The following DPYD variants were observed in gnomAD, a reference collection of about 807,000 sequenced individuals.
DPYD encodes the protein dihydropyrimidine dehydrogenase [NADP(+)].
Under a neutral mutation model 116.2 loss-of-function variants are expected in DPYD, and 109 were observed. The observed-to-expected ratio is 0.94, with a 90% CI of 0.80 to 1.10. The LOEUF is 1.10. Among genes scored for constraint, DPYD ranks in the 50% least tolerant of loss-of-function variants. The probability of loss-of-function intolerance (pLI) is 0.00; values close to 1 mark genes in which losing one functional copy is unlikely to be tolerated. For missense variants in DPYD, 1,302 were observed against 1,254.5 expected (o/e 1.04, Z -0.57); for synonymous variants, 440 against 432.0 (o/e 1.02, Z -0.23).
At chr1:97,819,007 A>T (rs1668780018) in intron 3 of DPYD, among the ~76,000 whole-genome samples, 1 of 151,956 alleles carries the variant, frequency 6.6e-6, no homozygotes. Flanking sequence ...AATGATATTT[A>T]TTAGGGCAGG....
chr1:97,477,721 C>T (rs1429230869), intron 13 of DPYD, among the ~76,000 whole-genome samples: 6 of 150,622 alleles, frequency 4.0e-5, no homozygotes, highest in Admixed American at 1.3e-4. Context: ...CCCGGGTTCA[C>T]GCCATTCTCC....
intron 3 of DPYD, among the ~76,000 whole-genome samples, chr1:97,808,098 C>T (rs547093868): frequency 2.6e-5 from 4 of 152,098 alleles, no homozygotes; most frequent in Admixed American, 2.6e-4. Flanking sequence ...TATTCTGAGT[C>T]TTCTGCTTTT....
At chr1:97,452,793 C>T (rs1676489591) in intron 13 of DPYD, among the ~76,000 whole-genome samples, 1 of 152,006 alleles carries the variant, frequency 6.6e-6, no homozygotes, top group African/African-American at 2.4e-5. Flanking sequence ...CCCCTTCTGC[C>T]TTGATTGGAA....
At chr1:97,556,359 C>CT (rs1340867429) in intron 11 of DPYD, among the ~76,000 whole-genome samples, 6 of 148,210 alleles carry the variant, frequency 4.0e-5, no homozygotes, top group African/African-American at 9.9e-5. Context: ...TGATTTTTTT[C>CT]TTTTTTTTAT....
Position 97,575,848 on chromosome 1 carries a change from T to C in DPYD, c.1129-1878A>G, listed in dbSNP as rs919854526. On this transcript the variant is annotated intron_variant, in intron 10 of 22. Transcript: ENST00000370192. ...CTTAAAACAACTCCAAAATGTAAAA[T>C]GCCTAAAGCAGAATTTAGCATATAG... Among the ~76,000 whole-genome samples, 13 of 152,258 alleles carry C rather than the reference T, an allele frequency of 8.5e-5. No homozygotes were observed. In the East Asian group the frequency reaches 2.1e-3, roughly 25 times the overall value.
intron 20 of DPYD, among the ~76,000 whole-genome samples, chr1:97,135,918 T>C (rs936130346): frequency 2.0e-5 from 3 of 152,206 alleles, no homozygotes; most frequent in Non-Finnish European, 4.4e-5. Flanking sequence ...CAATGGACTA[T>C]GGCCATTTTC....
intron 8 of DPYD, among the ~76,000 whole-genome samples, chr1:97,672,543 C>A (rs1659925679): frequency 6.6e-6 from 1 of 152,080 alleles, no homozygotes; most frequent in African/African-American, 2.4e-5. Context: ...TCAAGACTTG[C>A]TTTTTGCTTA....
At chr1:97,178,559 A>G (rs1262083974) in intron 20 of DPYD, among the ~76,000 whole-genome samples, 1 of 152,120 alleles carries the variant, frequency 6.6e-6, no homozygotes, top group Non-Finnish European at 1.5e-5. Flanking sequence ...AACTGCCCCC[A>G]TGATCCAGTC....
intron 20 of DPYD, among the ~76,000 whole-genome samples, chr1:97,134,008 AAAAAAAATATATATATAT>A (rs1653548731): frequency 5.1e-5 from 2 of 39,568 alleles, no homozygotes; most frequent in Non-Finnish European, 8.4e-5. Context: ...CAAAAAAAAA[AAAAAAAATATATATATAT>A]ATATATATAT....
chr1:97,521,898 A>G (rs1028817788), intron 12 of DPYD, among the ~76,000 whole-genome samples: 24 of 152,204 alleles, frequency 1.6e-4, no homozygotes, highest in African/African-American at 5.8e-4. Flanking sequence ...CACCTTATAC[A>G]AAAAATAACT....
chr1:97,428,957 A>G (rs1570719425), intron 14 of DPYD, among the ~76,000 whole-genome samples: 1 of 152,212 alleles, frequency 6.6e-6, no homozygotes, highest in South Asian at 2.1e-4. Flanking sequence ...TAAATCATTT[A>G]AAAAGTTTTA....
At chr1:97,246,021 T>C (rs1031870554) in intron 18 of DPYD, among the ~76,000 whole-genome samples, 8 of 152,146 alleles carry the variant, frequency 5.3e-5, no homozygotes, top group Non-Finnish European at 1.0e-4. Flanking sequence ...TTCTCTTCTT[T>C]GGCCTGTACA....
chr1:97,501,566 C>A (rs546725665), intron 13 of DPYD, among the ~76,000 whole-genome samples: 1 of 152,004 alleles, frequency 6.6e-6, no homozygotes, highest in South Asian at 2.1e-4. Context: ...AACACATTAG[C>A]CAGGTGTGGT....
At chr1:97,273,350 A>G (rs1452197389) in intron 18 of DPYD, among the ~76,000 whole-genome samples, 1 of 152,190 alleles carries the variant, frequency 6.6e-6, no homozygotes, top group Non-Finnish European at 1.5e-5. Context: ...GGAATGCAGA[A>G]AATCAATGCA....
At chr1:97,348,957 GA>G (rs1669993274) in intron 16 of DPYD, among the ~76,000 whole-genome samples, 1 of 152,166 alleles carries the variant, frequency 6.6e-6, no homozygotes, top group Non-Finnish European at 1.5e-5. Flanking sequence ...ACACAGTGAG[GA>G]AATCACTTAT....
intron 1 of DPYD, among the ~76,000 whole-genome samples, chr1:97,893,387 G>A (rs1303103571): frequency 7.1e-6 from 1 of 140,576 alleles, no homozygotes; most frequent in Non-Finnish European, 1.5e-5. Flanking sequence ...ATGGCAGTGT[G>A]GAAGGGTCAT....
In DPYD at chr1:97,144,191, A is replaced by C. The variant is rs17599509; in HGVS notation, c.2623-45559T>G. On this transcript the variant is annotated intron_variant, in intron 20 of 22. Coordinates refer to ENST00000370192, the MANE Select transcript of DPYD (RefSeq NM_000110.4). The stretch of plus-strand genomic sequence containing the variant: ...AGACAACAAATGGGTACGCTTCCTT[A>C]ATGCAGAGACATAGGCAAATGCCTT... Among the ~76,000 whole-genome samples, 1,057 of 152,342 alleles carry C rather than the reference A, an allele frequency of 6.9e-3. 5 individuals are homozygous for C. Among genetic ancestry groups the C allele is most frequent in the Non-Finnish European group, 0.012 (826 of 68,024 alleles).
intron 5 of DPYD, among the ~76,000 whole-genome samples, chr1:97,704,051 A>T (rs1661757877): frequency 6.6e-6 from 1 of 152,074 alleles, no homozygotes; most frequent in African/African-American, 2.4e-5. Context: ...ATTCTGAAAT[A>T]CATAAGTTAC....
At chr1:97,224,212 G>A (rs1483596582) in intron 19 of DPYD, among the ~76,000 whole-genome samples, 1 of 152,022 alleles carries the variant, frequency 6.6e-6, no homozygotes, top group African/African-American at 2.4e-5. Flanking sequence ...AGGAAGGCAA[G>A]CCTGTAATCG....
Sources: allele counts gnomAD v4.1 joint callset (sites outside exome capture counted in the v4.1 genomes callset), GRCh38; gene constraint gnomAD v4.1.1; transcripts MANE v1.5; gene names NCBI Gene and HGNC (gene_info 2026-07-23, HGNC 2026-07-21).